Variants in PCDH15 observed in about 807,000 individuals in gnomAD.
PCDH15 encodes protocadherin-15.
PCDH15 carries 129 observed loss-of-function variants against 178.5 expected under a neutral mutation model. The observed-to-expected ratio is 0.72, with a 90% CI of 0.63 to 0.84. The LOEUF is 0.84. Ranked by LOEUF, PCDH15 falls within the 40% of genes least tolerant of loss-of-function variation. The probability of loss-of-function intolerance (pLI) is 0.00; values close to 1 mark genes in which losing one functional copy is unlikely to be tolerated. For synonymous variants in PCDH15, 800 were observed against 732.0 expected (o/e 1.09, Z -1.50); for missense variants, 2,230 against 2,099.9 (o/e 1.06, Z -1.21).
intron 1 of PCDH15, among the ~76,000 whole-genome samples, chr10:55,209,237 G>A (rs944539293): frequency 1.3e-5 from 2 of 152,122 alleles, no homozygotes; most frequent in Admixed American, 6.5e-5. Context: ...GATGGAGACA[G>A]GATTGTGGCT....
chr10:55,411,572 T>C (rs961358931), intron 2 of PCDH15, among the ~76,000 whole-genome samples: 1 of 152,116 alleles, frequency 6.6e-6, no homozygotes, highest in African/African-American at 2.4e-5. Flanking sequence ...TGAAAATGCA[T>C]TAAGATGTCA....
chr10:54,343,872 A>T (rs1286723006), intron 6 of PCDH15, among the ~76,000 whole-genome samples: 1 of 151,668 alleles, frequency 6.6e-6, no homozygotes. Flanking sequence ...GAAAGGCTCA[A>T]TTTAATTATT....
At chr10:54,220,784 C>T (rs1184803717) in intron 9 of PCDH15, among the ~76,000 whole-genome samples, 1 of 151,438 alleles carries the variant, frequency 6.6e-6, no homozygotes, top group Non-Finnish European at 1.5e-5. Flanking sequence ...GAGATCGCGC[C>T]ACTGCACTCC....
At chr10:55,057,757 C>T (rs1364118978) in intron 2 of PCDH15, among the ~76,000 whole-genome samples, 3 of 152,176 alleles carry the variant, frequency 2.0e-5, no homozygotes, top group Non-Finnish European at 2.9e-5. Context: ...TTCAATCCTC[C>T]TACTGGAGAA....
chr10:54,219,019 C>T (rs1239669165), intron 9 of PCDH15, among the ~76,000 whole-genome samples: 5 of 147,402 alleles, frequency 3.4e-5, no homozygotes, highest in East Asian at 2.0e-4. Flanking sequence ...TTTGGGAGGC[C>T]GAGGCGGGAG....
At chr10:54,172,211 G>C (rs1467964819) in intron 13 of PCDH15, among the ~76,000 whole-genome samples, 2 of 151,940 alleles carry the variant, frequency 1.3e-5, no homozygotes, top group Non-Finnish European at 2.9e-5. Flanking sequence ...AAGTGTAAAT[G>C]GCCAGTCCTT....
At chr10:55,326,512 T>C (rs373760525) in intron 2 of PCDH15, among the ~76,000 whole-genome samples, 1 of 151,866 alleles carries the variant, frequency 6.6e-6, no homozygotes, top group Non-Finnish European at 1.5e-5. Context: ...CTTGCCTGTA[T>C]AACAAACATG....
chr10:55,327,759 C>T (rs1325183266), intron 2 of PCDH15, among the ~76,000 whole-genome samples: 2 of 151,910 alleles, frequency 1.3e-5, no homozygotes, highest in East Asian at 1.9e-4. Flanking sequence ...ATAGCTGACA[C>T]CTAAATTTAC....
intron 2 of PCDH15, among the ~76,000 whole-genome samples, chr10:54,616,685 T>C (rs780415906): frequency 2.0e-5 from 3 of 152,080 alleles, no homozygotes; most frequent in Non-Finnish European, 4.4e-5. Flanking sequence ...GACACTTGTT[T>C]AGTTGGCGAC....
intron 1 of PCDH15, among the ~76,000 whole-genome samples, chr10:55,175,683 AAG>A (rs1323841396): frequency 2.0e-5 from 3 of 151,124 alleles, no homozygotes; most frequent in Non-Finnish European, 3.0e-5. Flanking sequence ...AAAAAAGAAA[AAG>A]AAAAAAAAAG....
At chr10:55,488,604 A>G (rs1006585909) in intron 2 of PCDH15, among the ~76,000 whole-genome samples, 1 of 151,712 alleles carries the variant, frequency 6.6e-6, no homozygotes, top group Admixed American at 6.6e-5. Flanking sequence ...TAAATTACAT[A>G]TATACCCCAA....
intron 1 of PCDH15, among the ~76,000 whole-genome samples, chr10:55,271,924 A>G (rs926691487): frequency 1.3e-5 from 2 of 152,192 alleles, no homozygotes; most frequent in East Asian, 3.8e-4. Flanking sequence ...AAGAGAAAAC[A>G]TGGATAAAAA....
chr10:54,458,455 A>G (rs987395626), intron 3 of PCDH15, among the ~76,000 whole-genome samples: 2 of 152,118 alleles, frequency 1.3e-5, no homozygotes, highest in African/African-American at 2.4e-5. Context: ...ACTCAACCTC[A>G]AAACTTAAAA....
chr10:55,501,994 A>G (rs1393305445), intron 2 of PCDH15, among the ~76,000 whole-genome samples: 1 of 151,700 alleles, frequency 6.6e-6, no homozygotes, highest in Non-Finnish European at 1.5e-5. Context: ...TAATTTCTTT[A>G]CATCCTTCCC....
intron 18 of PCDH15, among the ~76,000 whole-genome samples, chr10:54,027,999 C>T (rs1274313656): frequency 6.6e-6 from 1 of 150,614 alleles, no homozygotes; most frequent in East Asian, 1.9e-4. Flanking sequence ...TCAGAGTGAA[C>T]AGGCAACCCA....
intron 8 of PCDH15, among the ~76,000 whole-genome samples, chr10:54,282,442 C>T (rs527679465): frequency 1.3e-5 from 2 of 152,150 alleles, no homozygotes; most frequent in Non-Finnish European, 2.9e-5. Flanking sequence ...TTATAGCTGA[C>T]ATTTGAACAC....
At chr10:54,094,484 G>C (rs991905364) in intron 15 of PCDH15, among the ~76,000 whole-genome samples, 1 of 152,108 alleles carries the variant, frequency 6.6e-6, no homozygotes, top group Non-Finnish European at 1.5e-5. Flanking sequence ...ATTCCAGGAA[G>C]AGGGCAGAGC....
intron 29 of PCDH15, among the ~76,000 whole-genome samples, chr10:53,836,789 A>G (rs889424159): frequency 3.3e-5 from 5 of 152,232 alleles, no homozygotes; most frequent in Non-Finnish European, 7.3e-5. Context: ...GAAATGAAGT[A>G]ACAGAGCCAG....
chr10:54,464,129 G>A (rs1433231611), intron 3 of PCDH15, among the ~76,000 whole-genome samples: 3 of 152,112 alleles, frequency 2.0e-5, no homozygotes, highest in Non-Finnish European at 4.4e-5. Context: ...AATCAGTAGA[G>A]GGAATGGGTA....
Sources: allele counts gnomAD v4.1 joint callset (sites outside exome capture counted in the v4.1 genomes callset), GRCh38; gene constraint gnomAD v4.1.1; transcripts MANE v1.5; gene names NCBI Gene and HGNC (gene_info 2026-07-23, HGNC 2026-07-21).